The following SRR variants were observed in gnomAD, a reference collection of about 807,000 sequenced individuals.
SRR encodes the protein serine racemase.
In SRR, 19 loss-of-function variants were observed where a neutral mutation model predicts 32.7. The observed-to-expected ratio is 0.58, with a 90% CI of 0.40 to 0.85. The LOEUF is 0.85. SRR is among the 40% of genes least tolerant of loss of function. The probability of loss-of-function intolerance (pLI) is 0.00; values close to 1 mark genes in which losing one functional copy is unlikely to be tolerated. For synonymous variants in SRR, 142 were observed against 140.9 expected (o/e 1.01, Z -0.06); for missense variants, 373 against 404.7 (o/e 0.92, Z 0.67).
Position 2,324,682 on chromosome 17 carries a change from T to C in SRR, c.*809T>C, listed in dbSNP as rs369408389. ...AATCAGATCCCATCCTCCTCCTTCA[T>C]ACCCACCTCTGTTGAAGAACATGTA... On this transcript the variant is annotated 3_prime_UTR_variant, in exon 8 of 8. Transcript: ENST00000344595. 1 of 1,614,106 alleles carries C rather than the reference T, an allele frequency of 6.2e-7. No homozygotes were observed. The highest frequency in any genetic ancestry group is 1.1e-5 in the South Asian group (1 of 91,074).
intron 6 of SRR, 160 bp from the exon 7 acceptor site, chr17:2,322,976 G>C: frequency 1.5e-6 from 1 of 651,184 alleles, no homozygotes; most frequent in South Asian, 1.9e-5. Context: ...GGTTGGCCAG[G>C]CTGGTCTTGA....
chr17:2,314,837 T>G (rs900899246), intron 1 of SRR, among the ~76,000 whole-genome samples: 1 of 151,814 alleles, frequency 6.6e-6, no homozygotes, highest in Non-Finnish European at 1.5e-5. Flanking sequence ...CTATTTTTTC[T>G]TTATCAAATA....
rs1415303755 is a variant in SRR, at chr17:2,318,919, CT to C, written c.390del (p.Ser131ValfsTer29). ...GGAGCGTCAATTGTATACTGTGAACCTAGTGATGAGGTAAGGAGAGCAGTGC... is the reference window on the plus strand; with the variant it reads ...GGAGCGTCAATTGTATACTGTGAACCAGTGATGAGGTAAGGAGAGCAGTGC... ...AYGASIVYCEPSDESRENVAK... is the reference protein window; with the variant it reads ...AYGASIVYCEXSDESRENVAK... On this transcript the variant is annotated frameshift_variant, in exon 4 of 8. Coordinates refer to ENST00000344595, the MANE Select transcript of SRR (RefSeq NM_021947.3). LOFTEE classifies it high-confidence loss of function. The C allele has an allele frequency of 6.2e-7, 1 of 1,611,802 alleles. No individual in the cohort carries two copies. The highest frequency in any genetic ancestry group is 8.5e-7 in the Non-Finnish European group (1 of 1,178,036).
In SRR at chr17:2,321,433, A is replaced by AG; in HGVS notation, c.519+9dup. ...CTGGAAGTGCTGAACCAGGTAAAATAGCTGAGTTCTTCCTGTTTAGCTACT... is the reference window on the plus strand; with the variant it reads ...CTGGAAGTGCTGAACCAGGTAAAATAGGCTGAGTTCTTCCTGTTTAGCTACT... On this transcript the variant is annotated intron_variant, in intron 5 of 7. Transcript: ENST00000344595. The AG allele has an allele frequency of 3.7e-6, 6 of 1,611,754 alleles. No individual in the cohort carries two copies. The highest frequency in any genetic ancestry group is 5.1e-6 in the Non-Finnish European group (6 of 1,178,746).
chr17:2,312,145 G>A (rs1253818322), intron 1 of SRR, among the ~76,000 whole-genome samples: 1 of 150,118 alleles, frequency 6.7e-6, no homozygotes, highest in Non-Finnish European at 1.5e-5. Context: ...GAGCTCAAGA[G>A]TTTGAAGCTG....
chr17:2,315,259 A>AAT, intron 1 of SRR: 1 of 186,380 alleles, frequency 5.4e-6, no homozygotes, highest in African/African-American at 2.4e-5. Context: ...AAAAAAAAAA[A>AAT]GGAAGATGGA....
rs372405299 is a variant in SRR, at chr17:2,323,151, G to A, written c.610G>A (p.Val204Met). 7.4e-6 allele frequency: 12 copies of A among 1,614,072 alleles called. No individual in the cohort carries two copies. Among genetic ancestry groups the A allele is most frequent in the Non-Finnish European group, 9.3e-6 (11 of 1,180,032 alleles). Reference sequence around the variant, plus strand: ...CTCTTCCCAGGCTCTGAAACCTAGTGTGAAGGTATATGCTGCTGAACCCTC... The same window carrying A: ...CTCTTCCCAGGCTCTGAAACCTAGTATGAAGGTATATGCTGCTGAACCCTC... ...AITVKALKPS[V>M]KVYAAEPSNA... The change falls in exon 7 of 8, where the codon GTG becomes ATG. Residue 204 changes from valine to methionine, a missense_variant. Physicochemically the swap from Val to Met is conservative, Grantham distance 21. Transcript: ENST00000344595.
chr17:2,321,870 C>T (rs541059842), intron 6 of SRR, among the ~76,000 whole-genome samples: 8 of 152,280 alleles, frequency 5.3e-5, no homozygotes, highest in South Asian at 2.1e-4. Context: ...CTCCACCTCC[C>T]GGGTTCAAGC....
chr17:2,303,519 T>G (rs2075336560), upstream of SRR: 5 of 1,331,738 alleles, frequency 3.8e-6, no homozygotes, highest in East Asian at 1.6e-4. Flanking sequence ...CGCCTACTGC[T>G]GGGGGAAGGG....
At chr17:2,319,380 T>C (rs1270876575) in intron 4 of SRR, among the ~76,000 whole-genome samples, 1 of 152,110 alleles carries the variant, frequency 6.6e-6, no homozygotes, top group Non-Finnish European at 1.5e-5. Flanking sequence ...ATGGACTCTT[T>C]CTATGTTGTG....
intron 1 of SRR, chr17:2,307,798 A>C: frequency 1.4e-6 from 1 of 727,184 alleles, no homozygotes. Context: ...TTGTGAACTA[A>C]GCCAAGCACA....
At chr17:2,308,176 T>C (rs565263209) in intron 1 of SRR, among the ~76,000 whole-genome samples, 11 of 152,072 alleles carry the variant, frequency 7.2e-5, no homozygotes, top group Non-Finnish European at 4.4e-5. Context: ...GAATCCATGA[T>C]ATTAAAGCAC....
chr17:2,318,966 T>C, intron 4 of SRR, 37 bp downstream of exon 4: 1 of 1,423,914 alleles, frequency 7.0e-7, no homozygotes, highest in African/African-American at 1.4e-5. Context: ...CTTAACAGCT[T>C]TCATTTGACC....
intron 1 of SRR, chr17:2,307,118 A>C (rs2075397099): frequency 3.5e-6 from 4 of 1,132,546 alleles, no homozygotes; most frequent in Non-Finnish European, 4.0e-6. Flanking sequence ...GAAGAATATC[A>C]CCTAAGTGAT....
chr17:2,322,752 G>A (rs1226546554), intron 6 of SRR: 10 of 214,010 alleles, frequency 4.7e-5, no homozygotes, highest in African/African-American at 1.9e-4. Context: ...TCCCTACCTC[G>A]TGATCCGCCC....
At position 2,313,747 on chromosome 17, in the gene SRR, A is replaced by C. The variant is rs74812364; in HGVS notation, c.-4-1810A>C. ...AAACTCCATCTCAAAAAAACAACAA[A>C]AAAAAAATGTTGATAAATGTACTCA... On this transcript the variant is annotated intron_variant, in intron 1 of 7. Transcript: ENST00000344595. Among the ~76,000 whole-genome samples the C allele has an allele frequency of 4.0e-3, 614 of 152,250 alleles. 1 individual carries two copies. The highest frequency in any genetic ancestry group is 5.8e-3 in the Non-Finnish European group (395 of 68,028).
intron 4 of SRR, 32 bp downstream of exon 4, chr17:2,318,961 C>T: frequency 6.8e-7 from 1 of 1,474,754 alleles, no homozygotes; most frequent in Admixed American, 1.7e-5. Context: ...ACCACCTTAA[C>T]AGCTTTCATT....
At chr17:2,304,372 C>T (rs4790326) in intron 1 of SRR, among the ~76,000 whole-genome samples, 25,302 of 132,228 alleles carry the variant, frequency 0.19, 1,835 homozygotes, top group East Asian at 0.47. Context: ...CTGCCTCAGC[C>T]TCCCTAGTAG....
Position 2,315,682 on chromosome 17 carries a change from A to G in SRR, c.122A>G (p.Asn41Ser), listed in dbSNP as rs1166782314. 3.1e-6 allele frequency: 5 copies of G among 1,614,084 alleles called. No individual in the cohort carries two copies. In the South Asian group the frequency reaches 3.3e-5, roughly 11 times the overall value. Residue 41 changes from asparagine to serine, a missense_variant, in exon 2 of 8, where the codon AAT becomes AGT. Physicochemically the swap from Asn to Ser is conservative, Grantham distance 46. Coordinates refer to ENST00000344595, the MANE Select transcript of SRR (RefSeq NM_021947.3). ...ATTTTGAATCAACTAACAGGGCGCA[A>G]TCTTTTCTTCAAATGTGAACTCTTC... Reference protein sequence around the residue: ...SSILNQLTGRNLFFKCELFQK... With the variant: ...SSILNQLTGRSLFFKCELFQK...
Sources: gnomAD v4.1 joint callset for allele counts (sites outside exome capture counted in the v4.1 genomes callset) on GRCh38, gnomAD v4.1.1 for gene constraint, MANE v1.5 for transcripts, NCBI Gene and HGNC (gene_info 2026-07-23, HGNC 2026-07-21) for gene names.